Variants in TRIM35 observed in about 807,000 individuals in gnomAD.
The protein encoded by TRIM35 is E3 ubiquitin-protein ligase TRIM35.
A neutral mutation model predicts 49.1 loss-of-function variants in TRIM35; 37 were observed. That is an observed-to-expected ratio of 0.75 (90% CI 0.58 to 0.99). The LOEUF (loss-of-function observed/expected upper bound fraction) is 0.99, where lower values mean the gene tolerates loss of function less well. Ranked by LOEUF, TRIM35 falls within the 50% of genes least tolerant of loss-of-function variation. The pLI is 0.00. For missense variants in TRIM35, 648 were observed against 702.7 expected (o/e 0.92, Z 0.88); for synonymous variants, 302 against 289.3 (o/e 1.04, Z -0.45).
rs1213441951 is a variant in TRIM35 at position 27,284,921 on chromosome 8, A to C, written c.*2629T>G. 1 of 152,378 alleles carries C rather than the reference A, an allele frequency of 6.6e-6. No individual in the cohort carries two copies. Among genetic ancestry groups the C allele is most frequent in the Non-Finnish European group, 1.5e-5 (1 of 68,044 alleles). 9.4% of individuals were successfully genotyped at this position (152,378 alleles called of 1,614,324 possible). ...AAGCTTTAGTATTTCAAAGGACATC[A>C]TCAAGGAAATGAAACAGCTCACGGA... On this transcript the variant is annotated 3_prime_UTR_variant, in exon 6 of 6. Transcript: ENST00000305364.
At chr8:27,292,005 G>A (rs1380651691) in intron 3 of TRIM35, among the ~76,000 whole-genome samples, 2 of 152,022 alleles carry the variant, frequency 1.3e-5, no homozygotes, top group African/African-American at 4.8e-5. Context: ...GTTGCATTGG[G>A]GATTAAGTTT....
chr8:27,310,858 G>A lies in TRIM35; in HGVS notation c.378C>T (p.Asp126=). The A allele has an allele frequency of 1.9e-6, 3 of 1,610,272 alleles. No homozygotes were observed. Among genetic ancestry groups the A allele is most frequent in the Admixed American group, 1.7e-5 (1 of 59,906 alleles). The change falls in exon 1 of 6, where the codon GAC becomes GAT. Residue 126 remains aspartate (D), a synonymous_variant. Transcript: ENST00000305364. ...GCACGCGGTGCCCCTGGTGTCGGGG[G>A]TCGGCCTGGCAGGAGCAGCACAGCA... The part of the protein sequence containing the change: ...KELLCCSCQA[D]PRHQGHRVQP...
At position 27,290,178 on chromosome 8, in the gene TRIM35, T is replaced by C. The variant is rs1026803017; in HGVS notation, c.763A>G (p.Lys255Glu). ...MKEDDVSFLM[K>E]HKSRKRRLFC... ...TACCGGCGTTTTCGGCTCTTGTGTT[T>C]CTGAAAAAATAAAAATAAAAAAATA... Residue 255 changes from lysine (K) to glutamate (E), a missense_variant and splice_region_variant, in exon 4 of 6, where the codon AAA becomes GAA. Transcript: ENST00000305364. 1.9e-6 allele frequency: 3 copies of C among 1,613,902 alleles called. No homozygotes were observed. The African/African-American group carries it at 4.0e-5, about 22-fold the overall frequency.
intron 1 of TRIM35, among the ~76,000 whole-genome samples, chr8:27,301,746 C>G (rs2042966474): frequency 6.6e-6 from 1 of 152,196 alleles, no homozygotes; most frequent in South Asian, 2.1e-4. Context: ...ACTGAGATCA[C>G]AAAAACAATC....
At chr8:27,294,407 A>AC in intron 2 of TRIM35, 97 bp from the exon 3 acceptor site, 2 of 1,177,272 alleles carry the variant, frequency 1.7e-6, no homozygotes, top group Non-Finnish European at 2.3e-6. Context: ...TTTATGTTCA[A>AC]ATAAATCATG....
intron 1 of TRIM35, among the ~76,000 whole-genome samples, chr8:27,308,208 G>T (rs1005964872): frequency 6.6e-6 from 1 of 152,168 alleles, no homozygotes; most frequent in Non-Finnish European, 1.5e-5. Context: ...ACAAACTTGT[G>T]CTATTTTAAA....
chr8:27,309,384 G>A (rs555684548), intron 1 of TRIM35, among the ~76,000 whole-genome samples: 29 of 152,302 alleles, frequency 1.9e-4, no homozygotes, highest in Admixed American at 1.9e-3. Context: ...CAAAAAAGAT[G>A]ACAGGAGTAA....
intron 2 of TRIM35, among the ~76,000 whole-genome samples, chr8:27,295,084 A>G (rs1802538766): frequency 6.6e-6 from 1 of 152,242 alleles, no homozygotes; most frequent in African/African-American, 2.4e-5. Context: ...TCGGCCTCCC[A>G]AAGTGCTGGG....
intron 3 of TRIM35, among the ~76,000 whole-genome samples, chr8:27,293,389 G>C (rs1402290495): frequency 6.6e-6 from 1 of 151,942 alleles, no homozygotes; most frequent in Non-Finnish European, 1.5e-5. Flanking sequence ...TTTTTAAAGA[G>C]AGAATGGAAT....
At chr8:27,310,447 C>T (rs1802901960) in intron 1 of TRIM35, among the ~76,000 whole-genome samples, 1 of 152,258 alleles carries the variant, frequency 6.6e-6, no homozygotes, top group Admixed American at 6.5e-5. Context: ...AGCTACAGGG[C>T]TCGTGGGCTG....
chr8:27,303,983 C>G (rs1409039133), intron 1 of TRIM35, among the ~76,000 whole-genome samples: 1 of 152,162 alleles, frequency 6.6e-6, no homozygotes, highest in Non-Finnish European at 1.5e-5. Flanking sequence ...CATGAGCCAC[C>G]GCGTCCAGCC....
At position 27,287,595 on chromosome 8, in the gene TRIM35, G is replaced by A; in HGVS notation, c.1437C>T (p.Arg479=). Residue 479 remains arginine, a synonymous_variant, in exon 6 of 6, where the codon CGC becomes CGT. Transcript: ENST00000305364. This position sits in a 1 kb window ranked among gnomAD's most constrained non-coding sequence, Gnocchi z 6.0. ...TGACACTGATGTGCAAGGGGCAGAT[G>A]CGCAAAGGCTCTGGAGGCCCGGCGC... ...ARGAGPPEPL[R]ICPLHISVKE... is the part of the protein sequence containing the mutation. The A allele has an allele frequency of 1.2e-6, 2 of 1,604,670 alleles. No homozygotes were observed. The highest frequency in any genetic ancestry group is 8.5e-7 in the Non-Finnish European group (1 of 1,175,396).
Position 27,287,835 on chromosome 8 carries a change from G to A in TRIM35, c.1197C>T (p.Val399=), listed in dbSNP as rs751500482. 17 of 1,612,660 alleles carry A rather than the reference G, an allele frequency of 1.1e-5. No homozygotes were observed. The highest frequency in any genetic ancestry group is 1.4e-5 in the Non-Finnish European group (16 of 1,179,606). ...CCCCCTCCACGCCCTGCGTGCGGCA[G>A]ACATACCAGAAGCCCGAGCGTGTGT... ...YHDTRSGFWY[V]CRTQGVEGDH... is the part of the protein sequence containing the mutation. Residue 399 remains valine, a synonymous_variant, in exon 6 of 6, where the codon GTC becomes GTT. Transcript: ENST00000305364. The surrounding 1 kb of genome is among the most constrained non-coding windows in gnomAD (Gnocchi z 6.0).
intron 1 of TRIM35, among the ~76,000 whole-genome samples, chr8:27,308,294 G>A (rs1365022733): frequency 1.3e-5 from 2 of 152,188 alleles, no homozygotes; most frequent in African/African-American, 2.4e-5. Flanking sequence ...ATTTGTTGAC[G>A]TGTGAACACT....
chr8:27,305,343 TCTGC>T (rs1406024598), intron 1 of TRIM35, among the ~76,000 whole-genome samples: 1 of 152,230 alleles, frequency 6.6e-6, no homozygotes, highest in Non-Finnish European at 1.5e-5. Context: ...AAAGCAAGTG[TCTGC>T]CATGCAGCCC....
Position 27,287,417 on chromosome 8 carries a change from G to A in TRIM35, c.*133C>T. 2 of 967,142 alleles carry A rather than the reference G, an allele frequency of 2.1e-6. No individual in the cohort carries two copies. Among genetic ancestry groups the A allele is most frequent in the Non-Finnish European group, 1.5e-6 (1 of 662,876 alleles). 59.9% of individuals were successfully genotyped at this position (967,142 alleles called of 1,614,324 possible). On this transcript the variant is annotated 3_prime_UTR_variant, in exon 6 of 6. Coordinates refer to ENST00000305364, the MANE Select transcript of TRIM35 (RefSeq NM_171982.5). This position sits in a 1 kb window ranked among gnomAD's most constrained non-coding sequence, Gnocchi z 6.0. ...AGGCACAGCCTGGAGTCATGGAAAAGGACCAGGCAGGACAGGAGGAAGAGC... is the reference window on the plus strand; with the variant it reads ...AGGCACAGCCTGGAGTCATGGAAAAAGACCAGGCAGGACAGGAGGAAGAGC...
intron 1 of TRIM35, chr8:27,304,610 T>C (rs1463644630): frequency 5.9e-6 from 2 of 341,472 alleles, no homozygotes; most frequent in African/African-American, 4.3e-5. Flanking sequence ...TGGTGCTCGG[T>C]ACACTTCTGC....
intron 5 of TRIM35, 113 bp from the exon 6 acceptor site, chr8:27,288,240 T>C (rs1270949059): frequency 1.8e-5 from 19 of 1,056,992 alleles, no homozygotes; most frequent in Non-Finnish European, 2.3e-5. Flanking sequence ...CCCAAGTCCA[T>C]GCAAGGAGTG....
rs530506939 is a variant in TRIM35 at position 27,309,135 on chromosome 8, A to G, written c.435+1666T>C. Among the ~76,000 whole-genome samples the G allele has an allele frequency of 3.3e-5, 5 of 152,244 alleles. No individual in the cohort carries two copies. In the East Asian group the frequency reaches 5.8e-4, roughly 18 times the overall value. Reference sequence around the variant, plus strand: ...CTGGTGCATGGCTCTCTGCTCTTGAATCCTGGCTTGGCCCCAGCCTGGGGG... The same window carrying G: ...CTGGTGCATGGCTCTCTGCTCTTGAGTCCTGGCTTGGCCCCAGCCTGGGGG... On this transcript the variant is annotated intron_variant, in intron 1 of 5. Coordinates refer to ENST00000305364, the MANE Select transcript of TRIM35 (RefSeq NM_171982.5).
Sources: gnomAD v4.1 joint callset for allele counts (sites outside exome capture counted in the v4.1 genomes callset) on GRCh38, gnomAD v4.1.1 for gene constraint, Gnocchi (gnomAD v3.1) non-coding constraint, MANE v1.5 for transcripts, NCBI Gene and HGNC (gene_info 2026-07-23, HGNC 2026-07-21) for gene names.